PCCA: variants seen among roughly 807,000 people sequenced by gnomAD.
PCCA encodes the protein propionyl-CoA carboxylase alpha chain, mitochondrial.
In PCCA, 74 loss-of-function variants were observed where a neutral mutation model predicts 101.3. The ratio of observed to expected loss-of-function variants is 0.73; its 90% CI spans 0.61 to 0.89. PCCA has a LOEUF of 0.89. Ranked by LOEUF, PCCA falls within the 40% of genes least tolerant of loss-of-function variation. The pLI, the probability that PCCA is intolerant of heterozygous loss-of-function variation, is 0.00. For missense variants in PCCA, 891 were observed against 907.0 expected (o/e 0.98, Z 0.23); for synonymous variants, 294 against 313.6 (o/e 0.94, Z 0.66).
chr13:100,231,649 T>C (rs555619773), intron 7 of PCCA, among the ~76,000 whole-genome samples: 4 of 152,354 alleles, frequency 2.6e-5, no homozygotes, highest in South Asian at 4.1e-4. Flanking sequence ...ATGATTCTTA[T>C]GGTAAAAAAG....
chr13:100,222,329 A>C (rs997802147), intron 7 of PCCA, among the ~76,000 whole-genome samples: 4 of 152,150 alleles, frequency 2.6e-5, no homozygotes, highest in African/African-American at 9.7e-5. Context: ...CGCCCTCCTC[A>C]GCCTCCCAAA....
intron 8 of PCCA, among the ~76,000 whole-genome samples, chr13:100,246,130 G>A (rs1021797593): frequency 6.6e-6 from 1 of 152,178 alleles, no homozygotes; most frequent in Non-Finnish European, 1.5e-5. Context: ...GCAGAAAGCC[G>A]AGGACAAGTC....
intron 6 of PCCA, among the ~76,000 whole-genome samples, chr13:100,186,027 G>A (rs927836123): frequency 6.6e-5 from 10 of 152,290 alleles, no homozygotes; most frequent in African/African-American, 2.2e-4. Context: ...AGAAGTTTGA[G>A]TCTTAAAAAT....
intron 19 of PCCA, among the ~76,000 whole-genome samples, chr13:100,422,102 C>CTTTCTTTCTTTCT (rs1567109348): frequency 8.3e-6 from 1 of 120,142 alleles, no homozygotes; most frequent in Non-Finnish European, 1.7e-5. Context: ...TTCTTTCTTT[C>CTTTCTTTCTTTCT]TTTCTTTCTT....
At chr13:100,283,347 G>A (rs926123228) in intron 12 of PCCA, among the ~76,000 whole-genome samples, 1 of 152,090 alleles carries the variant, frequency 6.6e-6, no homozygotes, top group African/African-American at 2.4e-5. Flanking sequence ...TCAGATCATG[G>A]GGACTGGAGT....
intron 12 of PCCA, among the ~76,000 whole-genome samples, chr13:100,280,101 A>G (rs1419135811): frequency 2.6e-5 from 4 of 151,716 alleles, no homozygotes; most frequent in Non-Finnish European, 5.9e-5. Flanking sequence ...GTTTCTCCAT[A>G]AAGAGATGCA....
intron 7 of PCCA, among the ~76,000 whole-genome samples, chr13:100,222,594 GAAAT>G (rs1035050606): frequency 3.3e-5 from 5 of 152,268 alleles, no homozygotes; most frequent in African/African-American, 1.2e-4. Flanking sequence ...TTTGCTGATG[GAAAT>G]AAATAGTACC....
chr13:100,443,520 G>A (rs576188554), intron 20 of PCCA, among the ~76,000 whole-genome samples: 4 of 151,984 alleles, frequency 2.6e-5, no homozygotes, highest in East Asian at 3.9e-4. Flanking sequence ...TCTTATTGAT[G>A]ATAAGCAGTT....
rs567767785 is a variant in PCCA at position 100,307,782 on chromosome 13, T to C, written c.1353+522T>C. Among the ~76,000 whole-genome samples, 96 of 152,356 alleles carry C rather than the reference T, an allele frequency of 6.3e-4. 1 individual carries two copies. The highest frequency in any genetic ancestry group is 2.1e-3 in the African/African-American group (88 of 41,600). On this transcript the variant is annotated intron_variant, in intron 15 of 23. Transcript: ENST00000376285. ...GACTTTCCAGAATAAATGAATTGAA[T>C]TTTTGGATCTTTAAACCCTTAAAAC...
intron 22 of PCCA, among the ~76,000 whole-genome samples, chr13:100,523,274 C>T (rs542810961): frequency 1.3e-5 from 2 of 152,144 alleles, no homozygotes; most frequent in African/African-American, 2.4e-5. Context: ...ACAAAGCATA[C>T]TATAAGCTTG....
In PCCA at chr13:100,511,870, G is replaced by A. The variant is rs577291977; in HGVS notation, c.1900-3557G>A. 7.2e-5 allele frequency among the ~76,000 whole-genome samples: 11 copies of A among 152,346 alleles called. No individual in the cohort carries two copies. In the East Asian group the frequency reaches 2.1e-3, roughly 29 times the overall value. ...GAAAAAAGTGGGTGGATTTAATGCT[G>A]TAAGGAGGTGCATGTACTGTACAAA... On this transcript the variant is annotated intron_variant, in intron 21 of 23. Transcript: ENST00000376285.
intron 12 of PCCA, among the ~76,000 whole-genome samples, chr13:100,297,760 T>A (rs997697104): frequency 8.5e-5 from 13 of 152,174 alleles, no homozygotes; most frequent in African/African-American, 3.1e-4. Flanking sequence ...GCATGAGATG[T>A]TATAAGGCAC....
chr13:100,340,003 C>T (rs1436152181), intron 17 of PCCA, among the ~76,000 whole-genome samples, 154 bp from the exon 18 acceptor site: 1 of 152,208 alleles, frequency 6.6e-6, no homozygotes, highest in Admixed American at 6.5e-5. Flanking sequence ...CTTGCTTCCT[C>T]AATGTCCGCA....
At chr13:100,170,601 G>A (rs1440079367) in intron 6 of PCCA, among the ~76,000 whole-genome samples, 1 of 152,188 alleles carries the variant, frequency 6.6e-6, no homozygotes, top group Non-Finnish European at 1.5e-5. Context: ...TGTAGCGCCT[G>A]TCTGTACCAC....
At chr13:100,506,544 T>G (rs1040852662) in intron 21 of PCCA, among the ~76,000 whole-genome samples, 1 of 152,228 alleles carries the variant, frequency 6.6e-6, no homozygotes, top group Non-Finnish European at 1.5e-5. Context: ...TTAGGCATTT[T>G]GAATTTTGAG....
Position 100,111,858 on chromosome 13 carries a change from T to A in PCCA, c.201T>A (p.Leu67=). 1 of 1,609,352 alleles carries A rather than the reference T, an allele frequency of 6.2e-7. No individual in the cohort carries two copies. The change falls in exon 3 of 24, where the codon CTT becomes CTA. Residue 67 remains leucine (L), a synonymous_variant. Transcript: ENST00000376285. ...CTCTTCAGACTTTTGATAAAATTCT[T>A]GTTGCTAATAGAGGAGAAATTGCAT... The part of the protein sequence containing the change: ...DPNEKTFDKI[L]VANRGEIACR...
At chr13:100,508,042 T>C (rs981374081) in intron 21 of PCCA, among the ~76,000 whole-genome samples, 1 of 152,180 alleles carries the variant, frequency 6.6e-6, no homozygotes, top group Non-Finnish European at 1.5e-5. Flanking sequence ...GAGCCTTGTG[T>C]TTCCAGTTAC....
chr13:100,430,584 C>T (rs2079480031), intron 20 of PCCA, among the ~76,000 whole-genome samples: 1 of 152,210 alleles, frequency 6.6e-6, no homozygotes, highest in African/African-American at 2.4e-5. Context: ...TATCTACTTC[C>T]ATACATCATA....
At chr13:100,214,389 C>G (rs142558766) in intron 7 of PCCA, among the ~76,000 whole-genome samples, 1 of 151,392 alleles carries the variant, frequency 6.6e-6, no homozygotes, top group African/African-American at 2.4e-5. Context: ...TTCAATTTCT[C>G]GCATCAACGT....
Sources: gnomAD v4.1 joint callset for allele counts (sites outside exome capture counted in the v4.1 genomes callset) on GRCh38, gnomAD v4.1.1 for gene constraint, MANE v1.5 for transcripts, NCBI Gene and HGNC (gene_info 2026-07-23, HGNC 2026-07-21) for gene names.